SLC17A9: variants seen among roughly 807,000 people sequenced by gnomAD.
The protein encoded by SLC17A9 is solute carrier family 17 member 9.
In SLC17A9, 49 loss-of-function variants were observed where a neutral mutation model predicts 55.0. That is an observed-to-expected ratio of 0.89 (90% CI 0.71 to 1.13). SLC17A9 has a LOEUF of 1.13. SLC17A9 is among the 50% of genes most tolerant of loss of function. The probability of loss-of-function intolerance (pLI) is 0.00; values close to 1 mark genes in which losing one functional copy is unlikely to be tolerated. For synonymous variants in SLC17A9, 256 were observed against 247.4 expected (o/e 1.03, Z -0.32); for missense variants, 526 against 569.3 (o/e 0.92, Z 0.77).
In SLC17A9 at chr20:62,952,909, AGGGGGGGTGGGAGCGGT is replaced by A; in HGVS notation, c.59+23_59+39del. On this transcript the variant is annotated intron_variant, in intron 1 of 12. Coordinates refer to ENST00000370351, the MANE Select transcript of SLC17A9 (RefSeq NM_022082.4). ...GTCCAGGTGTGGCGGGGGTGAGGGG[AGGGGGGGTGGGAGCGGT>A]GGAGATGGGGCCGTGGGGAGGGAGC... 1 of 86,774 alleles carries A rather than the reference AGGGGGGGTGGGAGCGGT, an allele frequency of 1.2e-5. No homozygotes were observed. The highest frequency in any genetic ancestry group is 2.1e-5 in the Non-Finnish European group (1 of 46,778). The allele number at this position is 86,774 out of a possible 1,614,324, so 5.4% of individuals were successfully genotyped here. A position where few individuals can be genotyped will look rare whatever the true frequency, so the allele number is the denominator to read the frequency against.
Position 62,952,850 on chromosome 20 carries a change from AG to A in SLC17A9, c.22del (p.Ala8ProfsTer44). 7.4e-7 allele frequency: 1 copy of A among 1,349,850 alleles called. No individual in the cohort carries two copies. Among genetic ancestry groups the A allele is most frequent in the Non-Finnish European group, 9.6e-7 (1 of 1,038,300 alleles). The allele number at this position is 1,349,850 out of a possible 1,614,324, so 83.6% of individuals were successfully genotyped here. A position where few individuals can be genotyped will look rare whatever the true frequency, so the allele number is the denominator to read the frequency against. On this transcript the variant is annotated frameshift_variant, in exon 1 of 13. Transcript: ENST00000370351. LOFTEE classifies it high-confidence loss of function. ...AGCCCGATGCAGCCACCCCCAGACG[AG>A]GCCCGCAGGGACATGGCCGGGGACA... MQPPPD[E>X]ARRDMAGDTQ... is the part of the protein sequence containing the mutation.
Position 62,967,478 on chromosome 20 carries a change from GCTC to G in SLC17A9, c.1290_1292del (p.Ser431del), listed in dbSNP as rs1568919162. ...GGACAGGCTCAGAGGGTGGACCTGA[GCTC>G]TACCCATGAGGACCTCTAGCTCCCA... On this transcript the variant is annotated inframe_deletion, in exon 13 of 13. Coordinates refer to ENST00000370351, the MANE Select transcript of SLC17A9 (RefSeq NM_022082.4). The G allele has an allele frequency of 1.2e-6, 2 of 1,614,064 alleles. No individual in the cohort carries two copies. Among genetic ancestry groups the G allele is most frequent in the South Asian group, 2.2e-5 (2 of 91,084 alleles).
rs545650191 is a variant in SLC17A9, at chr20:62,964,431, G to A, written c.910+116G>A. The A allele has an allele frequency of 6.7e-6, 7 of 1,038,116 alleles. 1 individual carries two copies. In the South Asian group the frequency reaches 9.0e-5, roughly 13 times the overall value. 64.3% of individuals were successfully genotyped at this position (1,038,116 alleles called of 1,614,324 possible). ...CTTCAGCACACGGAGAGCTGGGACA[G>A]AGGGGCACTTCTTTCCAGGCTCGGC... On this transcript the variant is annotated intron_variant, in intron 8 of 12. Coordinates refer to ENST00000370351, the MANE Select transcript of SLC17A9 (RefSeq NM_022082.4).
rs372815824 is a variant in SLC17A9 at position 62,962,262 on chromosome 20, G to A, written c.498-362G>A. 16 of 194,214 alleles carry A rather than the reference G, an allele frequency of 8.2e-5. 1 individual carries two copies. The highest frequency in any genetic ancestry group is 2.3e-4 in the Admixed American group (4 of 17,386). The allele number at this position is 194,214 out of a possible 1,614,324, so 12.0% of individuals were successfully genotyped here. On this transcript the variant is annotated intron_variant, in intron 4 of 12. Coordinates refer to ENST00000370351, the MANE Select transcript of SLC17A9 (RefSeq NM_022082.4). The surrounding 1 kb of genome is among the most constrained non-coding windows in gnomAD (Gnocchi z 5.5). ...TTCACTGTGGTATATGCTCATCACC[G>A]TCTCCTCCTCGGTGCCGTTTTTAGT...
At position 62,967,428 on chromosome 20, in the gene SLC17A9, G is replaced by C; in HGVS notation, c.1239G>C (p.Leu413=). The C allele has an allele frequency of 1.9e-6, 3 of 1,614,194 alleles. No homozygotes were observed. The highest frequency in any genetic ancestry group is 2.5e-6 in the Non-Finnish European group (3 of 1,180,032). ...LFNLVAIISN[L]GLCTFLVFGQ... ...ACCTTGTGGCCATCATCAGCAACCT[G>C]GGGCTGTGCACCTTCCTGGTGTTTG... The change falls in exon 13 of 13, where the codon CTG becomes CTC. Residue 413 remains leucine, a synonymous_variant. Coordinates refer to ENST00000370351, the MANE Select transcript of SLC17A9 (RefSeq NM_022082.4).
At position 62,957,474 on chromosome 20, in the gene SLC17A9, C is replaced by T; in HGVS notation, c.291C>T (p.Ala97=). 1.2e-6 allele frequency: 2 copies of T among 1,608,082 alleles called. No individual in the cohort carries two copies. The highest frequency in any genetic ancestry group is 1.7e-6 in the Non-Finnish European group (2 of 1,177,752). ...GTGAGAAGGTCATCCTGCTGTCAGC[C>T]TCTGCCTGGGGCTCCATCACGGCCG... is the stretch of plus-strand genomic sequence containing the variant. ...IGGEKVILLS[A]SAWGSITAVT... Residue 97 remains alanine, a synonymous_variant, in exon 3 of 13, where the codon GCC becomes GCT. Coordinates refer to ENST00000370351, the MANE Select transcript of SLC17A9 (RefSeq NM_022082.4).
At chr20:62,957,964 G>A (rs1014393273) in intron 3 of SLC17A9, among the ~76,000 whole-genome samples, 3 of 152,142 alleles carry the variant, frequency 2.0e-5, no homozygotes, top group Non-Finnish European at 4.4e-5. Context: ...CAAGCAATGT[G>A]CATGTATGTT....
intron 5 of SLC17A9, 148 bp from the exon 6 acceptor site, chr20:62,963,125 G>A (rs1425135046): frequency 1.0e-5 from 8 of 799,120 alleles, no homozygotes; most frequent in Non-Finnish European, 1.6e-5. Context: ...GGTAGGGGAG[G>A]CCAAGGGAGG....
chr20:62,964,385 GCTCC>G, intron 8 of SLC17A9, 70 bp downstream of exon 8: 2 of 1,486,008 alleles, frequency 1.3e-6, no homozygotes, highest in Non-Finnish European at 1.9e-6. Flanking sequence ...GGGGCAGGAT[GCTCC>G]CATCCTGGGG....
intron 1 of SLC17A9, among the ~76,000 whole-genome samples, chr20:62,955,482 GT>G (rs575280581): frequency 3.3e-4 from 50 of 150,518 alleles, no homozygotes; most frequent in Admixed American, 5.3e-4. Context: ...GTTTTGTTTT[GT>G]TTTTTTTTGT....
At chr20:62,963,436 G>C in intron 6 of SLC17A9, 67 bp downstream of exon 6, 1 of 1,555,162 alleles carries the variant, frequency 6.4e-7, no homozygotes, top group South Asian at 1.1e-5. Flanking sequence ...GTGTGAACCT[G>C]GCCGGACCTG....
At chr20:62,957,776 C>T (rs1437073077) in intron 3 of SLC17A9, among the ~76,000 whole-genome samples, 196 bp downstream of exon 3, 2 of 138,526 alleles carry the variant, frequency 1.4e-5, no homozygotes, top group Non-Finnish European at 3.1e-5. Flanking sequence ...TGCCCGCGTG[C>T]ATGCGTGCAC....
At chr20:62,967,239 C>G in intron 12 of SLC17A9, 98 bp from the exon 13 acceptor site, 1 of 1,456,324 alleles carries the variant, frequency 6.9e-7, no homozygotes. Context: ...GGCGCTAGAC[C>G]CCCAGCCCTT....
intron 1 of SLC17A9, 136 bp downstream of exon 1, chr20:62,953,025 C>A (rs1014439454): frequency 1.5e-4 from 185 of 1,212,560 alleles, no homozygotes; most frequent in Non-Finnish European, 1.7e-4. Context: ...TGTGGGGCCC[C>A]CTGTGTTCCT....
chr20:62,952,914 G>T (rs1475580833), intron 1 of SLC17A9, 25 bp downstream of exon 1: 4 of 1,421,478 alleles, frequency 2.8e-6, no homozygotes, highest in Non-Finnish European at 3.8e-6. Flanking sequence ...AGGGGAGGGG[G>T]GGTGGGAGCG....
Position 62,964,217 on chromosome 20 carries a change from C to G in SLC17A9, c.823-11C>G, listed in dbSNP as rs765573476. ...CCCTGGCCCCCTCTAAGGCCAAACT[C>G]CCCCCTGCAGGGCTGGATCTTCAAC... On this transcript the variant is annotated splice_polypyrimidine_tract_variant and intron_variant, in intron 7 of 12. Transcript: ENST00000370351. 5.0e-6 allele frequency: 8 copies of G among 1,613,378 alleles called. No homozygotes were observed. Among genetic ancestry groups the G allele is most frequent in the Admixed American group, 3.3e-5 (2 of 59,990 alleles).
chr20:62,965,235 G>T, intron 9 of SLC17A9, 69 bp downstream of exon 9: 3 of 1,603,020 alleles, frequency 1.9e-6, no homozygotes, highest in Non-Finnish European at 2.6e-6. Context: ...AGGAACTCAG[G>T]GTTGTGTCCC....
intron 1 of SLC17A9, 71 bp downstream of exon 1, chr20:62,952,960 T>G: frequency 7.1e-7 from 1 of 1,402,740 alleles, no homozygotes; most frequent in Non-Finnish European, 9.5e-7. Flanking sequence ...GCTGAGATAC[T>G]GCCACGTGGG....
intron 12 of SLC17A9, 169 bp from the exon 13 acceptor site, chr20:62,967,168 T>C: frequency 1.3e-6 from 1 of 785,206 alleles, no homozygotes; most frequent in African/African-American, 1.7e-5. Flanking sequence ...CCTCCAAGTC[T>C]GAGCCTGACC....
Sources: gnomAD v4.1 joint callset for allele counts (sites outside exome capture counted in the v4.1 genomes callset) on GRCh38, gnomAD v4.1.1 for gene constraint, Gnocchi (gnomAD v3.1) non-coding constraint, MANE v1.5 for transcripts, NCBI Gene and HGNC (gene_info 2026-07-23, HGNC 2026-07-21) for gene names.